The following FBP1 variants were observed in gnomAD, a reference collection of about 807,000 sequenced individuals.
FBP1 encodes the protein fructose-bisphosphatase 1.
Under a neutral mutation model 29.9 loss-of-function variants are expected in FBP1, and 22 were observed. That is an observed-to-expected ratio of 0.74 (90% CI 0.53 to 1.05). FBP1 has a LOEUF of 1.05. Ranked by LOEUF, FBP1 falls within the 50% of genes least tolerant of loss-of-function variation. The probability of loss-of-function intolerance (pLI) is 0.00; values close to 1 mark genes in which losing one functional copy is unlikely to be tolerated. For synonymous variants in FBP1, 175 were observed against 178.6 expected (o/e 0.98, Z 0.16); for missense variants, 345 against 448.2 (o/e 0.77, Z 2.08).
chr9:94,619,806 G>T (rs143765196), intron 2 of FBP1, among the ~76,000 whole-genome samples: 437 of 147,674 alleles, frequency 3.0e-3, no homozygotes, highest in African/African-American at 0.011. Context: ...CCCAGGAGGC[G>T]GAGGTTGCAG....
Position 94,605,442 on chromosome 9 carries a change from A to G in FBP1, c.825+15T>C. 1 of 1,612,700 alleles carries G rather than the reference A, an allele frequency of 6.2e-7. No individual in the cohort carries two copies. Among genetic ancestry groups the G allele is most frequent in the South Asian group, 1.1e-5 (1 of 90,916 alleles). On this transcript the variant is annotated intron_variant, in intron 6 of 6. Coordinates refer to ENST00000375326, the MANE Select transcript of FBP1 (RefSeq NM_000507.4). ...GAAATCTGCTCCTCACTCCCTCTCC[A>G]GGGGACACCCTTACCTTTCCATTGG... is the stretch of plus-strand genomic sequence containing the variant.
chr9:94,637,479 A>G (rs1414383563), intron 1 of FBP1, among the ~76,000 whole-genome samples: 5 of 150,978 alleles, frequency 3.3e-5, no homozygotes, highest in Non-Finnish European at 7.4e-5. Context: ...GCTCACTGCA[A>G]CCTCTGCCTC....
intron 2 of FBP1, among the ~76,000 whole-genome samples, chr9:94,619,468 C>T (rs1362470799): frequency 6.6e-6 from 1 of 152,158 alleles, no homozygotes; most frequent in East Asian, 1.9e-4. Flanking sequence ...AATACTCTTT[C>T]ATTTAACAAT....
chr9:94,626,112 C>A (rs1376472058), intron 1 of FBP1, among the ~76,000 whole-genome samples: 3 of 152,208 alleles, frequency 2.0e-5, no homozygotes, highest in African/African-American at 7.2e-5. Flanking sequence ...CAGTAAGCGT[C>A]CTTCCCCTCT....
chr9:94,625,433 G>A (rs1828010016), intron 1 of FBP1, among the ~76,000 whole-genome samples: 1 of 150,176 alleles, frequency 6.7e-6, no homozygotes, highest in Non-Finnish European at 1.5e-5. Flanking sequence ...CAAGCCATGC[G>A]GGGCTCTCAC....
Position 94,620,497 on chromosome 9 carries a change from G to A in FBP1, c.171-6C>T, listed in dbSNP as rs930280429. ...TAGAACCAGCAATGCCATAGCTACA[G>A]GGAACAAAAGCCACAAAAAATAAGC... On this transcript the variant is annotated splice_region_variant and splice_polypyrimidine_tract_variant and intron_variant, in intron 1 of 6. Transcript: ENST00000375326. 4 of 1,613,788 alleles carry A rather than the reference G, an allele frequency of 2.5e-6. No homozygotes were observed.
At chr9:94,622,301 T>C (rs191629565) in intron 1 of FBP1, among the ~76,000 whole-genome samples, 14 of 152,290 alleles carry the variant, frequency 9.2e-5, no homozygotes, top group Non-Finnish European at 1.9e-4. Flanking sequence ...GGCGAGAGCC[T>C]TGATGTGGGA....
At chr9:94,616,264 CTT>C (rs1218255765) in intron 3 of FBP1, among the ~76,000 whole-genome samples, 1 of 151,874 alleles carries the variant, frequency 6.6e-6, no homozygotes, top group Non-Finnish European at 1.5e-5. Flanking sequence ...GTATGGTAGA[CTT>C]TGGAGACTTA....
At chr9:94,619,391 T>C (rs963487806) in intron 2 of FBP1, among the ~76,000 whole-genome samples, 6 of 152,134 alleles carry the variant, frequency 3.9e-5, no homozygotes, top group African/African-American at 1.4e-4. Context: ...AGTAAGCCCA[T>C]ATAACTGCAC....
At chr9:94,616,543 C>T (rs961542574) in intron 3 of FBP1, among the ~76,000 whole-genome samples, 1 of 150,040 alleles carries the variant, frequency 6.7e-6, no homozygotes, top group Non-Finnish European at 1.5e-5. Flanking sequence ...CAGGTTCAAG[C>T]GATTCTCCTG....
chr9:94,621,409 T>TATATA (rs1563984784), intron 1 of FBP1, among the ~76,000 whole-genome samples: 1 of 148,062 alleles, frequency 6.8e-6, no homozygotes, highest in East Asian at 2.0e-4. Flanking sequence ...ATATATATAT[T>TATATA]TTTAGAAGAA....
chr9:94,627,352 A>C (rs1486266774), intron 1 of FBP1, among the ~76,000 whole-genome samples: 1 of 152,156 alleles, frequency 6.6e-6, no homozygotes, highest in East Asian at 1.9e-4. Flanking sequence ...GTGAAATTCC[A>C]CCTCAGAAAG....
chr9:94,625,356 A>G (rs1828006732), intron 1 of FBP1, among the ~76,000 whole-genome samples: 1 of 152,160 alleles, frequency 6.6e-6, no homozygotes, highest in Admixed American at 6.5e-5. Context: ...GGGGCCACAC[A>G]GCACTCTGCA....
At position 94,620,397 on chromosome 9, in the gene FBP1, A is replaced by T; in HGVS notation, c.265T>A (p.Ser89Thr). 1 of 1,614,222 alleles carries T rather than the reference A, an allele frequency of 6.2e-7. No homozygotes were observed. The highest frequency in any genetic ancestry group is 8.5e-7 in the Non-Finnish European group (1 of 1,180,052). The change falls in exon 2 of 7, where the codon TCC becomes ACC. Residue 89 changes from serine to threonine, a missense_variant. Transcript: ENST00000375326. Reference protein sequence around the residue: ...NDLVMNMLKSSFATCVLVSEE... With the variant: ...NDLVMNMLKSTFATCVLVSEE... ...GACACGAGAACACACGTGGCAAAGG[A>T]TGACTTTAACATGTTCATAACCAGG...
intron 1 of FBP1, among the ~76,000 whole-genome samples, chr9:94,621,227 A>T (rs1463395562): frequency 1.4e-5 from 2 of 144,150 alleles, no homozygotes; most frequent in Non-Finnish European, 3.0e-5. Flanking sequence ...AAAAAAAAAA[A>T]AAAAAAAAAA....
intron 1 of FBP1, among the ~76,000 whole-genome samples, chr9:94,620,998 G>C (rs1033653491): frequency 2.6e-5 from 4 of 152,078 alleles, no homozygotes; most frequent in Non-Finnish European, 4.4e-5. Flanking sequence ...TGGATCATGA[G>C]GTCAGGGGAT....
chr9:94,623,060 C>A (rs1479845426), intron 1 of FBP1, among the ~76,000 whole-genome samples: 1 of 152,132 alleles, frequency 6.6e-6, no homozygotes, highest in African/African-American at 2.4e-5. Context: ...TCTCGGCTCA[C>A]TGCAACCTCC....
chr9:94,619,546 C>A (rs1265072867), intron 2 of FBP1, among the ~76,000 whole-genome samples: 1 of 152,108 alleles, frequency 6.6e-6, no homozygotes, highest in African/African-American at 2.4e-5. Context: ...CACTGGGACA[C>A]AGAGACAAAT....
At chr9:94,607,999 T>C (rs1053090617) in intron 4 of FBP1, among the ~76,000 whole-genome samples, 4 of 152,110 alleles carry the variant, frequency 2.6e-5, no homozygotes, top group Non-Finnish European at 5.9e-5. Flanking sequence ...TCTTTTATCG[T>C]TGGTAGAAAA....
Sources: allele counts gnomAD v4.1 joint callset (sites outside exome capture counted in the v4.1 genomes callset), GRCh38; gene constraint gnomAD v4.1.1; transcripts MANE v1.5; gene names NCBI Gene and HGNC (gene_info 2026-07-23, HGNC 2026-07-21).